PLEKHD1: variants seen among roughly 807,000 people sequenced by gnomAD.
PLEKHD1 encodes the protein pleckstrin homology and coiled-coil domain containing D1, also known as pleckstrin homology domain-containing family D member 1.
Under a neutral mutation model 69.2 loss-of-function variants are expected in PLEKHD1, and 51 were observed. The ratio of observed to expected loss-of-function variants is 0.74; its 90% CI spans 0.59 to 0.93. The LOEUF is 0.93. Among genes scored for constraint, PLEKHD1 ranks in the 40% least tolerant of loss-of-function variants. The pLI is 0.00. For synonymous variants in PLEKHD1, 236 were observed against 244.7 expected, an observed-to-expected ratio of 0.96 and a Z score of 0.33; for missense variants, 584 against 641.0, an observed-to-expected ratio of 0.91 and a Z score of 0.96.
chr14:69,507,141 C>T (rs1374445586), intron 6 of PLEKHD1, among the ~76,000 whole-genome samples: 1 of 152,120 alleles, frequency 6.6e-6, no homozygotes, highest in East Asian at 1.9e-4. Context: ...CCCCCCTCCT[C>T]GGCCTCCCAA....
chr14:69,483,311 G>A (rs1304000727), upstream of PLEKHD1, among the ~76,000 whole-genome samples: 1 of 151,860 alleles, frequency 6.6e-6, no homozygotes, highest in Non-Finnish European at 1.5e-5. Flanking sequence ...ATGGCCTTGG[G>A]GAACATCTAG....
chr14:69,492,162 C>G (rs914977444), intron 1 of PLEKHD1, among the ~76,000 whole-genome samples: 8 of 152,194 alleles, frequency 5.3e-5, no homozygotes, highest in Admixed American at 4.6e-4. Flanking sequence ...ACTGCCCACC[C>G]TTTGCACTTT....
Position 69,527,994 on chromosome 14 carries a change from G to A in PLEKHD1, c.1351+62G>A, listed in dbSNP as rs546344733. 2.8e-4 allele frequency: 433 copies of A among 1,547,020 alleles called. 2 individuals are homozygous for A. In the African/African-American group the frequency reaches 5.5e-3, roughly 20 times the overall value. On this transcript the variant is annotated intron_variant, in intron 12 of 12. Transcript: ENST00000322564. ...GACAAGGCAGGAAGAGGGCAACATG[G>A]GGAGCCAGAAGGGTTGGCCCAGCTC...
chr14:69,499,422 C>G (rs1458605592), intron 1 of PLEKHD1, among the ~76,000 whole-genome samples: 1 of 152,214 alleles, frequency 6.6e-6, no homozygotes, highest in Non-Finnish European at 1.5e-5. Context: ...CTAGAGGGTG[C>G]TTGGTGGCTC....
intron 9 of PLEKHD1, 41 bp downstream of exon 9, chr14:69,526,163 G>T: frequency 6.6e-7 from 1 of 1,503,958 alleles, no homozygotes; most frequent in South Asian, 1.3e-5. Context: ...TTGACTTTGG[G>T]GTCTGGGGAC....
chr14:69,474,810 A>T, the PLEKHD1 span, among the ~76,000 whole-genome samples: 1 of 152,210 alleles, frequency 6.6e-6, no homozygotes, highest in African/African-American at 2.4e-5. Flanking sequence ...TGGAAAAAAA[A>T]TTCCAAGAAA....
chr14:69,476,144 A>G, the PLEKHD1 span, among the ~76,000 whole-genome samples: 3 of 151,536 alleles, frequency 2.0e-5, no homozygotes, highest in African/African-American at 7.3e-5. Context: ...TGTAATCCCA[A>G]CTATTCCAGA....
At chr14:69,497,761 G>T (rs1882918739) in intron 1 of PLEKHD1, among the ~76,000 whole-genome samples, 1 of 152,248 alleles carries the variant, frequency 6.6e-6, no homozygotes, top group African/African-American at 2.4e-5. Flanking sequence ...GCAGCAGGTG[G>T]TATTCATGTG....
chr14:69,512,241 T>C (rs2139517429), intron 6 of PLEKHD1, among the ~76,000 whole-genome samples: 1 of 152,258 alleles, frequency 6.6e-6, no homozygotes, highest in African/African-American at 2.4e-5. Context: ...GTAGTTATGT[T>C]CCCTCTTTCA....
chr14:69,469,978 T>C, the PLEKHD1 span, among the ~76,000 whole-genome samples: 1 of 151,678 alleles, frequency 6.6e-6, no homozygotes, highest in Non-Finnish European at 1.5e-5. Context: ...CACCTAGGCC[T>C]CCCAAAGTGC....
chr14:69,474,544 T>C, the PLEKHD1 span, among the ~76,000 whole-genome samples: 2 of 152,226 alleles, frequency 1.3e-5, no homozygotes, highest in African/African-American at 4.8e-5. Context: ...CAAACCAACG[T>C]ATAGCCTCCA....
chr14:69,520,044 G>A (rs73281441), intron 6 of PLEKHD1, among the ~76,000 whole-genome samples: 2,956 of 151,936 alleles, frequency 0.019, 106 homozygotes, highest in African/African-American at 0.069. Context: ...GTGCGCGCCC[G>A]TAATCCCAGC....
intron 6 of PLEKHD1, chr14:69,503,489 A>G: frequency 1.3e-5 from 2 of 153,604 alleles, no homozygotes; most frequent in Non-Finnish European, 2.9e-5. Context: ...TCGGGAATTC[A>G]AGACCAGCCT....
upstream of PLEKHD1, among the ~76,000 whole-genome samples, chr14:69,480,430 G>C (rs1882521325): frequency 3.9e-5 from 6 of 152,198 alleles, no homozygotes; most frequent in Admixed American, 3.9e-4. Context: ...AAGTAGACAC[G>C]ACGTGGCCTG....
At position 69,526,823 on chromosome 14, in the gene PLEKHD1, G is replaced by A. The variant is rs112229789; in HGVS notation, c.1050G>A (p.Glu350=). 14 of 1,543,664 alleles carry A rather than the reference G, an allele frequency of 9.1e-6. No individual in the cohort carries two copies. In the African/African-American group the frequency reaches 9.6e-5, roughly 11 times the overall value. The change falls in exon 10 of 13, where the codon GAG becomes GAA. Residue 350 remains glutamate, a synonymous_variant. Transcript: ENST00000322564. ...LTAEKQQAER[E]LKAEVKVRMD... ...CAGAGAAGCAGCAGGCTGAGCGGGA[G>A]CTCAAGGTGCGACCTGGCCTGCTGG...
chr14:69,480,742 T>C (rs1218432161), upstream of PLEKHD1, among the ~76,000 whole-genome samples: 1 of 152,162 alleles, frequency 6.6e-6, no homozygotes, highest in African/African-American at 2.4e-5. Context: ...AACCTCTGCC[T>C]CCCAGGCTCA....
chr14:69,517,150 A>G (rs1883402464), intron 6 of PLEKHD1, among the ~76,000 whole-genome samples: 1 of 151,976 alleles, frequency 6.6e-6, no homozygotes, highest in African/African-American at 2.4e-5. Flanking sequence ...GTGGGGGGCA[A>G]TACGAACTGG....
At chr14:69,485,814 C>T (rs1882643560) in intron 1 of PLEKHD1, among the ~76,000 whole-genome samples, 1 of 152,234 alleles carries the variant, frequency 6.6e-6, no homozygotes, top group Non-Finnish European at 1.5e-5. Flanking sequence ...GATTGATCCT[C>T]TGAAAGGGGT....
rs1450791699 is a variant in PLEKHD1 at position 69,527,818 on chromosome 14, G to A, written c.1237G>A (p.Glu413Lys). The A allele has an allele frequency of 1.3e-6, 2 of 1,551,420 alleles. No individual in the cohort carries two copies. Among genetic ancestry groups the A allele is most frequent in the African/African-American group, 2.7e-5 (2 of 73,054 alleles). The change falls in exon 12 of 13, where the codon GAG (glutamate) becomes AAG (lysine). Residue 413 changes from glutamate to lysine, a missense_variant. By Grantham distance (56) the Glu-to-Lys change is moderately conservative. Coordinates refer to ENST00000322564, the MANE Select transcript of PLEKHD1 (RefSeq NM_001161498.2). Reference sequence around the variant, plus strand: ...GGAGTGCATCCGGAATGCCGAGCTGGAGGCCAAGATGCCTGTGATCATGAA... The same window carrying A: ...GGAGTGCATCCGGAATGCCGAGCTGAAGGCCAAGATGCCTGTGATCATGAA... ...FEECIRNAEL[E>K]AKMPVIMKNS... is the part of the protein sequence containing the mutation.
Sources: allele counts gnomAD v4.1 joint callset (sites outside exome capture counted in the v4.1 genomes callset), GRCh38; gene constraint gnomAD v4.1.1; transcripts MANE v1.5; gene names NCBI Gene and HGNC (gene_info 2026-07-23, HGNC 2026-07-21).